G6PC3: variants seen among roughly 807,000 people sequenced by gnomAD.
G6PC3 encodes the protein glucose-6-phosphatase catalytic subunit 3.
In G6PC3, 30 loss-of-function variants were observed where a neutral mutation model predicts 38.6. The observed-to-expected ratio is 0.78, with a 90% CI of 0.58 to 1.05. The LOEUF is 1.05. Among genes scored for constraint, G6PC3 ranks in the 50% least tolerant of loss-of-function variants. The pLI, the probability that G6PC3 is intolerant of heterozygous loss-of-function variation, is 0.00. For synonymous variants in G6PC3, 192 were observed against 178.1 expected (o/e 1.08, Z -0.62); for missense variants, 377 against 443.1 (o/e 0.85, Z 1.34).
upstream of G6PC3, chr17:44,070,691 C>T (rs1401916707): frequency 4.1e-6 from 2 of 482,090 alleles, no homozygotes; most frequent in Admixed American, 6.6e-5. Flanking sequence ...CCACGTGGGG[C>T]CCTGAGGAAA....
At chr17:44,074,013 G>T in intron 1 of G6PC3, 147 bp from the exon 2 acceptor site, 3 of 759,216 alleles carry the variant, frequency 4.0e-6, no homozygotes, top group Non-Finnish European at 7.3e-6. Context: ...AGGTATCCAT[G>T]GATACCTTGA....
In G6PC3 at chr17:44,076,081, GCCAACACTCTGTGACCA is replaced by G; in HGVS notation, c.*42_*58del. 1 of 1,608,610 alleles carries G rather than the reference GCCAACACTCTGTGACCA, an allele frequency of 6.2e-7. No individual in the cohort carries two copies. Among genetic ancestry groups the G allele is most frequent in the Non-Finnish European group, 8.5e-7 (1 of 1,179,842 alleles). On this transcript the variant is annotated 3_prime_UTR_variant, in exon 6 of 6. Coordinates refer to ENST00000269097, the MANE Select transcript of G6PC3 (RefSeq NM_138387.4). ...CTCCCTTTCCTTTCCCTCCCACAAA[GCCAACACTCTGTGACCA>G]CCACACTCCAGGAGGCAGCCCCATC...
At position 44,070,802 on chromosome 17, in the gene G6PC3, G is replaced by A. The variant is rs886052985; in HGVS notation, c.-164G>A. 1.7e-4 allele frequency: 130 copies of A among 752,818 alleles called. No homozygotes were observed. The Admixed American group carries it at 2.5e-3, about 14-fold the overall frequency. 46.6% of individuals were successfully genotyped at this position (752,818 alleles called of 1,614,324 possible). On this transcript the variant is annotated 5_prime_UTR_variant, in exon 1 of 6. Coordinates refer to ENST00000269097, the MANE Select transcript of G6PC3 (RefSeq NM_138387.4). ...CCGGCTGGAGGCCGGTCTTGCAGGAGCGGGGGACTGCTGGGGGCGGGGCTT... is the reference window on the plus strand; with the variant it reads ...CCGGCTGGAGGCCGGTCTTGCAGGAACGGGGGACTGCTGGGGGCGGGGCTT...
rs200393998 is a variant in G6PC3 at position 44,075,825 on chromosome 17, C to T, written c.823C>T (p.Arg275Trp). The change falls in exon 6 of 6, where the codon CGG becomes TGG. Residue 275 changes from arginine to tryptophan, a missense_variant. Arg to Trp is a moderately radical substitution (Grantham distance 101). Transcript: ENST00000269097. ...LHSPCYAQVR[R>W]AQLGNGQKIA... ...CTCTCCCTGCTATGCCCAGGTGCGT[C>T]GGGCACAGCTGGGAAATGGCCAGAA... 12 of 1,611,714 alleles carry T rather than the reference C, an allele frequency of 7.4e-6. No homozygotes were observed. The Admixed American group carries it at 8.3e-5, about 11-fold the overall frequency.
In G6PC3 at chr17:44,075,811, ATGCCCAGG is replaced by A; in HGVS notation, c.813_820del (p.Gln272SerfsTer112). 1 of 1,611,796 alleles carries A rather than the reference ATGCCCAGG, an allele frequency of 6.2e-7. No individual in the cohort carries two copies. Among genetic ancestry groups the A allele is most frequent in the Non-Finnish European group, 8.5e-7 (1 of 1,180,008 alleles). ...GGCATTGCCTTGCACTCTCCCTGCT[ATGCCCAGG>A]TGCGTCGGGCACAGCTGGGAAATGG... On this transcript the variant is annotated frameshift_variant, in exon 6 of 6. Coordinates refer to ENST00000269097, the MANE Select transcript of G6PC3 (RefSeq NM_138387.4). LOFTEE classifies it high-confidence loss of function.
At chr17:44,071,800 C>T in intron 1 of G6PC3, 1 of 475,996 alleles carries the variant, frequency 2.1e-6, no homozygotes, top group South Asian at 1.5e-5. Context: ...TGCATTTTAA[C>T]AAGGTTCCCA....
chr17:44,075,298 CCA>C lies in G6PC3; in HGVS notation c.536-10_536-9del. 1 of 1,614,012 alleles carries C rather than the reference CCA, an allele frequency of 6.2e-7. No homozygotes were observed. On this transcript the variant is annotated splice_polypyrimidine_tract_variant and intron_variant, in intron 4 of 5. Transcript: ENST00000269097. ...CAGACTCCTTGAAGCTGTTGTCACT[CCA>C]CTCTCCTAGGCGCTGTCCTGGGCTG...
chr17:44,071,916 G>A, intron 1 of G6PC3: 2 of 331,480 alleles, frequency 6.0e-6, no homozygotes, highest in South Asian at 2.3e-5. Context: ...TTCACACTGA[G>A]ACTTAGAAGC....
chr17:44,074,693 A>C lies in G6PC3; in HGVS notation c.339A>C (p.Gly113=), dbSNP rs756455256. Residue 113 remains glycine (G), a synonymous_variant, in exon 3 of 6, where the codon GGA becomes GGC. Transcript: ENST00000269097. ...SCETGPGSPS[G]HCMITGAALW... ...ATTTGCTGGCAGGCAGCCCTTCTGG[A>C]CACTGCATGATCACAGGAGCAGCCC... 1.2e-6 allele frequency: 2 copies of C among 1,614,038 alleles called. No individual in the cohort carries two copies. Among genetic ancestry groups the C allele is most frequent in the Non-Finnish European group, 8.5e-7 (1 of 1,180,016 alleles).
In G6PC3 at chr17:44,071,614, C is replaced by T. The variant is rs1315466732; in HGVS notation, c.218+431C>T. The stretch of plus-strand genomic sequence containing the variant: ...TTTCATTCATGTATTCATTCATTTG[C>T]TATAATTTTTCAGAAGCATGCTTTG... On this transcript the variant is annotated intron_variant, in intron 1 of 5. Transcript: ENST00000269097. 2.4e-6 allele frequency: 3 copies of T among 1,268,602 alleles called. No homozygotes were observed. The Admixed American group carries it at 7.1e-5, about 30-fold the overall frequency. 78.6% of individuals were successfully genotyped at this position (1,268,602 alleles called of 1,614,324 possible).
intron 1 of G6PC3, chr17:44,071,682 A>G (rs982782925): frequency 7.8e-7 from 1 of 1,274,358 alleles, no homozygotes; most frequent in Non-Finnish European, 1.0e-6. Context: ...GACACCTTGC[A>G]GATTAAGGTG....
intron 5 of G6PC3, 96 bp downstream of exon 5, chr17:44,075,547 A>G (rs1232870938): frequency 1.3e-6 from 2 of 1,599,912 alleles, no homozygotes; most frequent in Non-Finnish European, 1.7e-6. Context: ...CTAAAAAAGG[A>G]CACATTACCT....
intron 1 of G6PC3, 119 bp downstream of exon 1, chr17:44,071,302 C>T: frequency 6.7e-7 from 1 of 1,500,208 alleles, no homozygotes; most frequent in Non-Finnish European, 8.9e-7. Flanking sequence ...ACTCTGTAGT[C>T]CCTGATTTTT....
rs773183765 is a variant in G6PC3 at position 44,075,823 on chromosome 17, G to A, written c.821G>A (p.Arg274His). 9 of 1,611,504 alleles carry A rather than the reference G, an allele frequency of 5.6e-6. No homozygotes were observed. Among genetic ancestry groups the A allele is most frequent in the Non-Finnish European group, 7.6e-6 (9 of 1,180,018 alleles). The change falls in exon 6 of 6, where the codon CGT becomes CAT. Residue 274 changes from arginine (R) to histidine (H), a missense_variant. By Grantham distance (29) the Arg-to-His change is conservative (BLOSUM62 0). Coordinates refer to ENST00000269097, the MANE Select transcript of G6PC3 (RefSeq NM_138387.4). ...ALHSPCYAQVRRAQLGNGQKI... is the reference protein window; with the variant it reads ...ALHSPCYAQVHRAQLGNGQKI... ...CACTCTCCCTGCTATGCCCAGGTGC[G>A]TCGGGCACAGCTGGGAAATGGCCAG... is the stretch of plus-strand genomic sequence containing the variant.
Position 44,071,084 on chromosome 17 carries a change from T to C in G6PC3, c.119T>C (p.Leu40Pro). The part of the protein sequence containing the change: ...TFLGDPKILF[L>P]FYFPAAYYAS... ...CTGGGCGATCCCAAGATCCTCTTTC[T>C]GTTCTACTTCCCCGCGGCCTACTAC... is the stretch of plus-strand genomic sequence containing the variant. The change falls in exon 1 of 6, where the codon CTG (leucine) becomes CCG (proline). Residue 40 changes from leucine to proline, a missense_variant. Physicochemically the swap from Leu to Pro is moderately conservative, Grantham distance 98. Transcript: ENST00000269097. 6.2e-7 allele frequency: 1 copy of C among 1,613,536 alleles called. No homozygotes were observed. Among genetic ancestry groups the C allele is most frequent in the Non-Finnish European group, 8.5e-7 (1 of 1,179,802 alleles).
At position 44,074,345 on chromosome 17, in the gene G6PC3, G is replaced by A. The variant is rs2050035922; in HGVS notation, c.325+79G>A. 7 of 1,159,922 alleles carry A rather than the reference G, an allele frequency of 6.0e-6. No individual in the cohort carries two copies. The Admixed American group carries it at 1.0e-4, about 17-fold the overall frequency. 71.9% of individuals were successfully genotyped at this position (1,159,922 alleles called of 1,614,324 possible). On this transcript the variant is annotated intron_variant, in intron 2 of 5. Coordinates refer to ENST00000269097, the MANE Select transcript of G6PC3 (RefSeq NM_138387.4). ...CATTTCAGAGTACTTTTCAGCCTGG[G>A]TGGCCCAACCAAAGGACCAGCCTCT...
At position 44,074,776 on chromosome 17, in the gene G6PC3, C is replaced by T. The variant is rs761415213; in HGVS notation, c.416+6C>T. The T allele has an allele frequency of 1.1e-5, 17 of 1,612,936 alleles. No individual in the cohort carries two copies. In the South Asian group the frequency reaches 1.5e-4, roughly 15 times the overall value. ...GTGGCCACTCGGGCCCGCAGGTATA[C>T]CCTTGGCATTGCCCACCATTGGGAG... On this transcript the variant is annotated splice_donor_region_variant and intron_variant, in intron 3 of 5. Coordinates refer to ENST00000269097, the MANE Select transcript of G6PC3 (RefSeq NM_138387.4).
chr17:44,071,573 A>G, intron 1 of G6PC3: 1 of 983,320 alleles, frequency 1.0e-6, no homozygotes, highest in Non-Finnish European at 1.4e-6. Context: ...GGAGAGTCCT[A>G]CCTCTCAACT....
At chr17:44,074,350 C>A in intron 2 of G6PC3, 84 bp downstream of exon 2, 1 of 1,100,676 alleles carries the variant, frequency 9.1e-7, no homozygotes, top group Non-Finnish European at 1.4e-6. Flanking sequence ...CCTGGGTGGC[C>A]CAACCAAAGG....
Sources: allele counts gnomAD v4.1 joint callset, GRCh38; gene constraint gnomAD v4.1.1; transcripts MANE v1.5; gene names NCBI Gene and HGNC (gene_info 2026-07-23, HGNC 2026-07-21).